Variants in DYNC1I2 observed in about 807,000 individuals in gnomAD.
DYNC1I2 encodes the protein cytoplasmic dynein 1 intermediate chain 2.
In DYNC1I2, 53 loss-of-function variants were observed where a neutral mutation model predicts 88.6. The observed-to-expected ratio is 0.60, with a 90% CI of 0.48 to 0.75. DYNC1I2 has a LOEUF of 0.75. Ranked by LOEUF, DYNC1I2 falls within the 30% of genes least tolerant of loss-of-function variation. The probability of loss-of-function intolerance (pLI) is 0.00; values close to 1 mark genes in which losing one functional copy is unlikely to be tolerated. For missense variants in DYNC1I2, 458 were observed against 766.6 expected, an observed-to-expected ratio of 0.60 and a Z score of 4.75; for synonymous variants, 198 against 254.6, an observed-to-expected ratio of 0.78 and a Z score of 2.12.
At chr2:171,703,329 G>A (rs1185561266) in intron 3 of DYNC1I2, among the ~76,000 whole-genome samples, 1 of 152,068 alleles carries the variant, frequency 6.6e-6, no homozygotes, top group African/African-American at 2.4e-5. Context: ...TTGACCTCCT[G>A]GGCTCAAACA....
chr2:171,695,977 T>A (rs1033309477), intron 3 of DYNC1I2, among the ~76,000 whole-genome samples: 1 of 152,224 alleles, frequency 6.6e-6, no homozygotes, highest in Admixed American at 6.5e-5. Context: ...TCTTTATATA[T>A]CTTTTAACCA....
intron 3 of DYNC1I2, among the ~76,000 whole-genome samples, chr2:171,697,192 G>GT (rs1000145404): frequency 2.7e-4 from 40 of 149,436 alleles, no homozygotes; most frequent in Middle Eastern, 3.4e-3. Flanking sequence ...TTTTGTTTTT[G>GT]TTTTTTTTTA....
Position 171,707,251 on chromosome 2 carries a change from T to TA in DYNC1I2, c.245-35dup, listed in dbSNP as rs1559373701. On this transcript the variant is annotated intron_variant, in intron 4 of 17. Transcript: ENST00000397119. ...TCATAAGCTGAGCAACCTCTCCGTG[T>TA]AGTAACAGCGGATACCTGTCTATTT... 5.0e-6 allele frequency: 8 copies of TA among 1,613,616 alleles called. No homozygotes were observed. The Middle Eastern group carries it at 4.9e-4, about 99-fold the overall frequency.
chr2:171,704,576 A>G (rs115724441), intron 3 of DYNC1I2, among the ~76,000 whole-genome samples: 2,330 of 152,214 alleles, frequency 0.015, 51 homozygotes, highest in African/African-American at 0.051. Flanking sequence ...TACTTGGCAA[A>G]AATTAATTAG....
chr2:171,743,528 A>G (rs1304202928), intron 15 of DYNC1I2, among the ~76,000 whole-genome samples: 1 of 152,232 alleles, frequency 6.6e-6, no homozygotes, highest in Non-Finnish European at 1.5e-5. Flanking sequence ...TCCACCTGTC[A>G]GAAGTTCTCG....
chr2:171,719,208 C>A (rs1687737372), intron 7 of DYNC1I2, among the ~76,000 whole-genome samples: 1 of 47,774 alleles, frequency 2.1e-5, no homozygotes. Context: ...ATGGAGCTAT[C>A]CTTAACCCTT....
At chr2:171,726,154 A>G (rs1688237676) in intron 9 of DYNC1I2, 40 bp from the exon 10 acceptor site, 3 of 1,585,240 alleles carry the variant, frequency 1.9e-6, no homozygotes, top group Non-Finnish European at 2.6e-6. Flanking sequence ...GATAAAAGTT[A>G]TAACACCATC....
At position 171,726,270 on chromosome 2, in the gene DYNC1I2, A is replaced by G. The variant is rs932739237; in HGVS notation, c.847A>G (p.Ser283Gly). The G allele has an allele frequency of 6.2e-7, 1 of 1,611,580 alleles. No individual in the cohort carries two copies. Among genetic ancestry groups the G allele is most frequent in the Non-Finnish European group, 8.5e-7 (1 of 1,179,244 alleles). Reference sequence around the variant, plus strand: ...ACGTTGGTCAAAGCATCGGGTGGTTAGTTGTTTGGATTGGTCATCTCAGGT... The same window carrying G: ...ACGTTGGTCAAAGCATCGGGTGGTTGGTTGTTTGGATTGGTCATCTCAGGT... ...DERWSKHRVV[S>G]CLDWSSQYPE... Residue 283 changes from serine to glycine, a missense_variant, in exon 10 of 18, where the codon AGT becomes GGT. Physicochemically the swap from Ser to Gly is moderately conservative, Grantham distance 56 (BLOSUM62 0). Coordinates refer to ENST00000397119, the MANE Select transcript of DYNC1I2 (RefSeq NM_001378.3).
rs549834544 is a variant in DYNC1I2 at position 171,735,563 on chromosome 2, T to TATA, written c.1536+5710_1536+5711insATA. ...CATTTCTGATAAGGGATATTCAACC[T>TATA]GTATAGAAGACAAACAGATTATTTT... On this transcript the variant is annotated intron_variant, in intron 15 of 17. Coordinates refer to ENST00000397119, the MANE Select transcript of DYNC1I2 (RefSeq NM_001378.3). 8.1e-4 allele frequency among the ~76,000 whole-genome samples: 124 copies of TATA among 152,354 alleles called. 3 individuals are homozygous for TATA. The highest frequency in any genetic ancestry group is 7.5e-3 in the Admixed American group (114 of 15,302).
At chr2:171,724,056 C>A (rs1484425179) in intron 7 of DYNC1I2, among the ~76,000 whole-genome samples, 2 of 152,116 alleles carry the variant, frequency 1.3e-5, no homozygotes, top group Non-Finnish European at 2.9e-5. Flanking sequence ...AAAGTATGAG[C>A]ATATATTGAA....
chr2:171,693,014 A>G, intron 3 of DYNC1I2, 120 bp downstream of exon 3: 4 of 765,492 alleles, frequency 5.2e-6, no homozygotes, highest in African/African-American at 1.8e-5. Flanking sequence ...TAAAATTATT[A>G]ATCTTTTATT....
chr2:171,726,309 A>C lies in DYNC1I2; in HGVS notation c.870+16A>C. ...GTCATCTCAGGTAAAATATAACAAA[A>C]TAGGCCGCTCTTAACTCATTTTTAA... On this transcript the variant is annotated intron_variant, in intron 10 of 17. Coordinates refer to ENST00000397119, the MANE Select transcript of DYNC1I2 (RefSeq NM_001378.3). 1 of 1,555,738 alleles carries C rather than the reference A, an allele frequency of 6.4e-7. No homozygotes were observed. Among genetic ancestry groups the C allele is most frequent in the Non-Finnish European group, 8.8e-7 (1 of 1,138,038 alleles).
At chr2:171,706,524 G>A (rs1156718873) in intron 3 of DYNC1I2, 23 bp from the exon 4 acceptor site, 2 of 1,606,230 alleles carry the variant, frequency 1.2e-6, no homozygotes, top group South Asian at 2.2e-5. Flanking sequence ...TTGGGTGTCT[G>A]TATCTTTGTC....
intron 15 of DYNC1I2, among the ~76,000 whole-genome samples, chr2:171,741,108 A>G (rs1386955244): frequency 1.3e-5 from 2 of 152,268 alleles, no homozygotes; most frequent in East Asian, 3.9e-4. Context: ...TTCAAGGGTC[A>G]TCCTTCATAT....
chr2:171,718,205 G>A (rs904087517), intron 7 of DYNC1I2, among the ~76,000 whole-genome samples: 2 of 152,186 alleles, frequency 1.3e-5, no homozygotes, highest in Admixed American at 6.5e-5. Flanking sequence ...TGATCTGCCC[G>A]CCTTGGCCTC....
chr2:171,744,609 T>G (rs890725892), intron 16 of DYNC1I2, among the ~76,000 whole-genome samples: 2 of 152,222 alleles, frequency 1.3e-5, no homozygotes, highest in African/African-American at 4.8e-5. Flanking sequence ...AATCTTAGCC[T>G]GATTTGTTTG....
chr2:171,728,089 A>G, intron 12 of DYNC1I2, 122 bp downstream of exon 12: 2 of 1,218,714 alleles, frequency 1.6e-6, no homozygotes. Flanking sequence ...ATTCCTCACC[A>G]TTTAGCAACC....
intron 7 of DYNC1I2, among the ~76,000 whole-genome samples, chr2:171,718,250 A>G (rs1687654307): frequency 6.6e-6 from 1 of 151,334 alleles, no homozygotes; most frequent in Non-Finnish European, 1.5e-5. Context: ...GAGCCACCAC[A>G]TCCAGCCAAG....
Position 171,706,565 on chromosome 2 carries a change from G to T in DYNC1I2, c.244+1G>T. The T allele has an allele frequency of 1.2e-6, 2 of 1,611,946 alleles. No homozygotes were observed. Among genetic ancestry groups the T allele is most frequent in the African/African-American group, 1.3e-5 (1 of 75,012 alleles). On this transcript the variant is annotated splice_donor_variant, in intron 4 of 17. Coordinates refer to ENST00000397119, the MANE Select transcript of DYNC1I2 (RefSeq NM_001378.3). LOFTEE classifies it high-confidence loss of function. Reference sequence around the variant, plus strand: ...ACTTCAGTTTTTTCTGAATACTGGGGTAAGGAAGTTCCCATAAGTCTTGCC... The same window carrying T: ...ACTTCAGTTTTTTCTGAATACTGGGTTAAGGAAGTTCCCATAAGTCTTGCC...
Sources: allele counts gnomAD v4.1 joint callset (sites outside exome capture counted in the v4.1 genomes callset), GRCh38; gene constraint gnomAD v4.1.1; transcripts MANE v1.5; gene names NCBI Gene and HGNC (gene_info 2026-07-23, HGNC 2026-07-21).